The following GRID1 variants were observed in gnomAD, a reference collection of about 807,000 sequenced individuals.
The protein encoded by GRID1 is glutamate ionotropic receptor delta type subunit 1.
Under a neutral mutation model 98.0 loss-of-function variants are expected in GRID1, and 28 were observed. That is an observed-to-expected ratio of 0.29 (90% CI 0.21 to 0.39). The LOEUF (loss-of-function observed/expected upper bound fraction) is 0.39. GRID1 is among the 10% of genes least tolerant of loss of function. GRID1 has a pLI of 1.00. For synonymous variants in GRID1, 553 were observed against 538.5 expected, an observed-to-expected ratio of 1.03 and a Z score of -0.37; for missense variants, 1,111 against 1,340.5, an observed-to-expected ratio of 0.83 and a Z score of 2.67.
intron 2 of GRID1, among the ~76,000 whole-genome samples, chr10:86,311,676 C>A (rs1421152409): frequency 6.6e-6 from 1 of 152,190 alleles, no homozygotes; most frequent in Non-Finnish European, 1.5e-5. Flanking sequence ...ATCCATCCAA[C>A]CTGAGAGTTC....
At chr10:85,842,909 G>A (rs1842973185) in intron 8 of GRID1, among the ~76,000 whole-genome samples, 1 of 151,954 alleles carries the variant, frequency 6.6e-6, no homozygotes, top group African/African-American at 2.4e-5. Flanking sequence ...CTACCCTGAT[G>A]CCTAAAGCAG....
intron 4 of GRID1, among the ~76,000 whole-genome samples, chr10:85,997,167 C>T (rs1054973784): frequency 5.9e-5 from 9 of 152,132 alleles, no homozygotes; most frequent in East Asian, 3.9e-4. Context: ...TTTGGGAGGC[C>T]GAAGAGGGTT....
intron 13 of GRID1, 162 bp downstream of exon 13, chr10:85,647,040 G>A: frequency 1.5e-6 from 1 of 670,332 alleles, no homozygotes; most frequent in Non-Finnish European, 2.7e-6. Flanking sequence ...CAGAGCAGCT[G>A]CTTCTGAAAG....
At chr10:85,603,027 G>T (rs1264336120) in intron 15 of GRID1, among the ~76,000 whole-genome samples, 1 of 152,236 alleles carries the variant, frequency 6.6e-6, no homozygotes, top group Non-Finnish European at 1.5e-5. Flanking sequence ...TCAAGAGCAG[G>T]CAGAGACAGG....
intron 8 of GRID1, among the ~76,000 whole-genome samples, chr10:85,847,702 G>A (rs1843019667): frequency 1.3e-5 from 2 of 151,742 alleles, no homozygotes; most frequent in South Asian, 4.1e-4. Flanking sequence ...CCAGTTAGAT[G>A]GTAGATTTTG....
chr10:86,294,182 T>C (rs1452172130), intron 2 of GRID1, among the ~76,000 whole-genome samples: 1 of 151,792 alleles, frequency 6.6e-6, no homozygotes, highest in Non-Finnish European at 1.5e-5. Context: ...AGCTCTGGGG[T>C]TGAGTCTCTA....
chr10:86,254,873 A>G (rs1430471467), intron 2 of GRID1, among the ~76,000 whole-genome samples: 1 of 152,238 alleles, frequency 6.6e-6, no homozygotes, highest in African/African-American at 2.4e-5. Flanking sequence ...ATCCCCAAGC[A>G]GGCTGGCCTT....
At position 86,051,639 on chromosome 10, in the gene GRID1, A is replaced by G. The variant is rs61856053; in HGVS notation, c.726+87180T>C. ...AGAAAAATAGGCAAAGTACATGAAC[A>G]CATGTCTCGCAGAAAATGAAATACA... is the stretch of plus-strand genomic sequence containing the variant. On this transcript the variant is annotated intron_variant, in intron 4 of 15. Transcript: ENST00000327946. 3.6e-3 allele frequency among the ~76,000 whole-genome samples: 546 copies of G among 152,368 alleles called. 2 individuals carry two copies. Among genetic ancestry groups the G allele is most frequent in the Non-Finnish European group, 4.1e-3 (277 of 68,034 alleles).
At chr10:86,326,765 A>G (rs6586003) in intron 2 of GRID1, among the ~76,000 whole-genome samples, 121,544 of 152,184 alleles carry the variant, frequency 0.8, 49,428 homozygotes, top group Non-Finnish European at 0.88. Flanking sequence ...AATTGGAGAC[A>G]AGAGTGGAGC....
intron 4 of GRID1, among the ~76,000 whole-genome samples, chr10:86,060,755 T>C (rs1843637267): frequency 2.0e-5 from 3 of 152,078 alleles, no homozygotes; most frequent in Non-Finnish European, 4.4e-5. Context: ...CGGCACCTAG[T>C]CCAGGCTCAA....
At chr10:86,256,144 G>C (rs912459426) in intron 2 of GRID1, among the ~76,000 whole-genome samples, 1 of 152,158 alleles carries the variant, frequency 6.6e-6, no homozygotes, top group African/African-American at 2.4e-5. Context: ...GGACAGAAGG[G>C]TGACTCCATG....
chr10:85,859,142 C>T (rs1442419464), intron 6 of GRID1, among the ~76,000 whole-genome samples: 1 of 152,202 alleles, frequency 6.6e-6, no homozygotes, highest in Admixed American at 6.5e-5. Context: ...TATATGTTGC[C>T]AGCTCATGAA....
At chr10:85,863,929 A>G (rs1373335977) in intron 6 of GRID1, among the ~76,000 whole-genome samples, 1 of 152,218 alleles carries the variant, frequency 6.6e-6, no homozygotes, top group Non-Finnish European at 1.5e-5. Context: ...AGGAAGATGA[A>G]TCACAGGCCA....
In GRID1 at chr10:86,365,457, T is replaced by G. The variant is rs935735465; in HGVS notation, c.79+857A>C. 1.6e-5 allele frequency among the ~76,000 whole-genome samples: 2 copies of G among 122,100 alleles called. No homozygotes were observed. The highest frequency in any genetic ancestry group is 3.2e-5 in the African/African-American group (1 of 30,982). The allele number at this position is 122,100 out of a possible 152,430, so 80.1% of individuals were successfully genotyped here. On this transcript the variant is annotated intron_variant, in intron 1 of 15. Transcript: ENST00000327946. The surrounding 1 kb of genome is among the most constrained non-coding windows in gnomAD (Gnocchi z 4.8). ...ACCCACTCCCCCTCGGCGCGCCCAC[T>G]CCCCCTCGGCGCGCCCCCTCCTCCT...
chr10:85,887,203 G>C (rs1841129120), intron 5 of GRID1, among the ~76,000 whole-genome samples: 1 of 152,178 alleles, frequency 6.6e-6, no homozygotes, highest in Non-Finnish European at 1.5e-5. Flanking sequence ...ACCACCTAGG[G>C]CAAGGCAGAC....
At chr10:86,221,078 G>A (rs1384647090) in intron 2 of GRID1, among the ~76,000 whole-genome samples, 1 of 152,186 alleles carries the variant, frequency 6.6e-6, no homozygotes, top group Non-Finnish European at 1.5e-5. Context: ...AATATTTTCT[G>A]AGACAGAGCC....
chr10:85,681,737 G>C (rs1037248433), intron 12 of GRID1, among the ~76,000 whole-genome samples: 1 of 152,078 alleles, frequency 6.6e-6, no homozygotes, highest in African/African-American at 2.4e-5. Context: ...TGTTCTGCTG[G>C]CATTTCCGCA....
intron 5 of GRID1, among the ~76,000 whole-genome samples, chr10:85,878,749 G>A (rs1008342962): frequency 2.6e-5 from 4 of 151,970 alleles, no homozygotes; most frequent in African/African-American, 9.7e-5. Context: ...CATAATGACA[G>A]GATCAAATTC....
chr10:86,354,604 G>T (rs879640621), intron 2 of GRID1, among the ~76,000 whole-genome samples: 1 of 152,248 alleles, frequency 6.6e-6, no homozygotes, highest in Non-Finnish European at 1.5e-5. Flanking sequence ...GAGAGGGAAT[G>T]CGATCTGTTC....
Sources: allele counts gnomAD v4.1 joint callset (sites outside exome capture counted in the v4.1 genomes callset), GRCh38; gene constraint gnomAD v4.1.1; non-coding constraint Gnocchi (gnomAD v3.1); transcripts MANE v1.5; gene names NCBI Gene and HGNC (gene_info 2026-07-23, HGNC 2026-07-21).